Variants in STK38 observed in about 807,000 individuals in gnomAD.
STK38 encodes the protein serine/threonine-protein kinase 38.
STK38 carries 26 observed loss-of-function variants against 59.0 expected under a neutral mutation model. The ratio of observed to expected loss-of-function variants is 0.44; its 90% CI spans 0.32 to 0.61. The LOEUF is 0.61. Among genes scored for constraint, STK38 ranks in the 20% least tolerant of loss-of-function variants. STK38 has a pLI of 0.04. For missense variants in STK38, 433 were observed against 566.0 expected (o/e 0.76, Z 2.38); for synonymous variants, 175 against 176.6 (o/e 0.99, Z 0.07).
At position 36,498,588 on chromosome 6, in the gene STK38, TC is replaced by T. The variant is rs369658177; in HGVS notation, c.953-103del. On this transcript the variant is annotated intron_variant, in intron 10 of 13. Coordinates refer to ENST00000229812, the MANE Select transcript of STK38 (RefSeq NM_007271.4). Reference sequence around the variant, plus strand: ...ATTCTATGTCTTTTTTTTTCTTTTTTCTTTTTTTTTTTTTTTTGAGACAGGG... The same window carrying T: ...ATTCTATGTCTTTTTTTTTCTTTTTTTTTTTTTTTTTTTTTTGAGACAGGG... 5,282 of 1,262,754 alleles carry T rather than the reference TC, an allele frequency of 4.2e-3. 35 individuals carry two copies. Among genetic ancestry groups the T allele is most frequent in the South Asian group, 8.9e-3 (576 of 64,710 alleles). The allele number at this position is 1,262,754 out of a possible 1,614,324, so 78.2% of individuals were successfully genotyped here. A position where few individuals can be genotyped will look rare whatever the true frequency, so the allele number is the denominator to read the frequency against.
chr6:36,538,117 A>G lies in STK38; in HGVS notation c.131+1955T>C, dbSNP rs1030754672. Among the ~76,000 whole-genome samples, 9 of 151,776 alleles carry G rather than the reference A, an allele frequency of 5.9e-5. No homozygotes were observed. The East Asian group carries it at 1.8e-3, about 30-fold the overall frequency. ...AGACTGAGACCATCCTGGCTAATAC[A>G]GTGAAACCCCGTCTCTACTAAAAAT... On this transcript the variant is annotated intron_variant, in intron 2 of 13. Transcript: ENST00000229812.
At chr6:36,534,809 A>AC (rs11416805) in intron 2 of STK38, among the ~76,000 whole-genome samples, 58,653 of 149,556 alleles carry the variant, frequency 0.39, 12,873 homozygotes, top group African/African-American at 0.56. Flanking sequence ...TCAACATTTT[A>AC]TGGAATTCCC....
At chr6:36,547,122 G>A (rs1028787930) in intron 1 of STK38, 68 bp downstream of exon 1, 13 of 153,906 alleles carry the variant, frequency 8.4e-5, no homozygotes, top group Non-Finnish European at 1.6e-4. Flanking sequence ...GGAGTCGGAG[G>A]TTGGGGAAGG....
In STK38 at chr6:36,497,759, A is replaced by C. The variant is rs746417066; in HGVS notation, c.1172+21T>G. 10 of 1,563,526 alleles carry C rather than the reference A, an allele frequency of 6.4e-6. No homozygotes were observed. In the East Asian group the frequency reaches 1.6e-4, roughly 25 times the overall value. On this transcript the variant is annotated intron_variant, in intron 12 of 13. Coordinates refer to ENST00000229812, the MANE Select transcript of STK38 (RefSeq NM_007271.4). ...CTAGAGACTTTCTGAAATAATTCTG[A>C]AAGTGTTTATATGGATATACCTGAT...
intron 1 of STK38, among the ~76,000 whole-genome samples, chr6:36,541,853 G>A (rs1278378084): frequency 6.8e-6 from 1 of 147,224 alleles, no homozygotes; most frequent in Non-Finnish European, 1.5e-5. Flanking sequence ...TTTTGAGATG[G>A]AGTCTCACTC....
At chr6:36,546,002 T>C (rs758271546) in intron 1 of STK38, among the ~76,000 whole-genome samples, 1 of 152,202 alleles carries the variant, frequency 6.6e-6, no homozygotes, top group Non-Finnish European at 1.5e-5. Flanking sequence ...ATATGGACTT[T>C]ATTTCTTTGC....
rs536934465 is a variant in STK38, at chr6:36,534,571, C to T, written c.131+5501G>A. 2.6e-5 allele frequency among the ~76,000 whole-genome samples: 4 copies of T among 152,020 alleles called. No homozygotes were observed. The East Asian group carries it at 5.8e-4, about 22-fold the overall frequency. ...GTAAGGCTGAGGTGGGAAAATCACT[C>T]GAGCCCAGGAGGTCAAGGCTGCAGT... On this transcript the variant is annotated intron_variant, in intron 2 of 13. Transcript: ENST00000229812.
intron 6 of STK38, 128 bp from the exon 7 acceptor site, chr6:36,515,620 C>A: frequency 6.7e-7 from 1 of 1,485,568 alleles, no homozygotes; most frequent in East Asian, 2.4e-5. Flanking sequence ...GGCGGCTAAA[C>A]AGACCTCTTC....
intron 2 of STK38, among the ~76,000 whole-genome samples, chr6:36,528,264 G>C (rs552079963): frequency 2.2e-4 from 33 of 152,300 alleles, no homozygotes; most frequent in African/African-American, 7.5e-4. Context: ...GGAGTGATGT[G>C]ATAAGATTTC....
At chr6:36,503,330 C>G (rs1311709406) in intron 9 of STK38, among the ~76,000 whole-genome samples, 1 of 151,920 alleles carries the variant, frequency 6.6e-6, no homozygotes, top group Non-Finnish European at 1.5e-5. Flanking sequence ...AAAGATATTG[C>G]CCTGTATTTT....
At chr6:36,543,968 A>C (rs1430286288) in intron 1 of STK38, among the ~76,000 whole-genome samples, 1 of 152,150 alleles carries the variant, frequency 6.6e-6, no homozygotes, top group Non-Finnish European at 1.5e-5. Flanking sequence ...ATTTTAAGAA[A>C]AGTTTTCAGG....
rs1777292694 is a variant in STK38, at chr6:36,517,828, G to A, written c.403C>T (p.Arg135Cys). ...MLEKEQVGHI[R>C]AERDILVEAD... ...TCCACTAGAATGTCACGCTCCGCACGAATGTGGCCAACCTGGAGGTATATG... is the reference window on the plus strand; with the variant it reads ...TCCACTAGAATGTCACGCTCCGCACAAATGTGGCCAACCTGGAGGTATATG... The change falls in exon 6 of 14, where the codon CGT (arginine) becomes TGT (cysteine). Residue 135 changes from arginine (R) to cysteine (C), a missense_variant. Arg to Cys is a radical substitution (Grantham distance 180, BLOSUM62 -3). This residue lies in a region of STK38 where 293 missense variants were observed against 388.2 expected (regional missense o/e 0.75). Transcript: ENST00000229812. The A allele has an allele frequency of 6.2e-7, 1 of 1,613,878 alleles. No individual in the cohort carries two copies. Among genetic ancestry groups the A allele is most frequent in the Non-Finnish European group, 8.5e-7 (1 of 1,179,864 alleles).
At chr6:36,513,105 C>T (rs1368883249) in intron 7 of STK38, among the ~76,000 whole-genome samples, 7 of 152,152 alleles carry the variant, frequency 4.6e-5, no homozygotes, top group Admixed American at 2.6e-4. Flanking sequence ...CTGCAACCTC[C>T]GCCTCCTGGG....
At chr6:36,502,533 T>C (rs74625164) in intron 9 of STK38, among the ~76,000 whole-genome samples, 3,872 of 152,300 alleles carry the variant, frequency 0.025, 165 homozygotes, top group African/African-American at 0.087. Flanking sequence ...TTCTCCCAGA[T>C]TGACGCTTGT....
At chr6:36,514,147 T>G (rs1182031732) in intron 7 of STK38, among the ~76,000 whole-genome samples, 1 of 114,418 alleles carries the variant, frequency 8.7e-6, no homozygotes, top group Non-Finnish European at 1.7e-5. Context: ...AGAGCGAGAC[T>G]CCGTCTCAAA....
At chr6:36,540,983 A>G (rs1777923139) in intron 1 of STK38, among the ~76,000 whole-genome samples, 1 of 151,858 alleles carries the variant, frequency 6.6e-6, no homozygotes, top group Non-Finnish European at 1.5e-5. Context: ...ATTGCAACCT[A>G]CACCTCCCAG....
chr6:36,537,896 C>T (rs1184120370), intron 2 of STK38, among the ~76,000 whole-genome samples: 1 of 150,908 alleles, frequency 6.6e-6, no homozygotes, highest in Non-Finnish European at 1.5e-5. Context: ...AACACCCCGT[C>T]TCGACAAAAA....
chr6:36,521,681 T>C, intron 5 of STK38, 53 bp downstream of exon 5: 1 of 1,404,840 alleles, frequency 7.1e-7, no homozygotes, highest in Non-Finnish European at 9.6e-7. Context: ...AAAAGAAAAG[T>C]TTTAGGAGAC....
chr6:36,506,845 TCA>T (rs57513476), intron 8 of STK38, among the ~76,000 whole-genome samples: 30,065 of 151,982 alleles, frequency 0.2, 3,133 homozygotes, highest in East Asian at 0.39. Flanking sequence ...CTTAAAAGAC[TCA>T]CACAGAGTTG....
Sources: gnomAD v4.1 joint callset for allele counts (sites outside exome capture counted in the v4.1 genomes callset) on GRCh38, gnomAD v4.1.1 for gene constraint, gnomAD v4.1.1 regional missense constraint, MANE v1.5 for transcripts, NCBI Gene and HGNC (gene_info 2026-07-23, HGNC 2026-07-21) for gene names.